Variants in FTO observed in about 807,000 individuals in gnomAD.
The protein encoded by FTO is alpha-ketoglutarate-dependent dioxygenase FTO.
FTO carries 47 observed loss-of-function variants against 63.9 expected under a neutral mutation model. The ratio of observed to expected loss-of-function variants is 0.74; its 90% CI spans 0.58 to 0.94. The LOEUF is 0.94. Among genes scored for constraint, FTO ranks in the 40% least tolerant of loss-of-function variants. FTO has a pLI of 0.00. For synonymous variants in FTO, 207 were observed against 224.4 expected (o/e 0.92, Z 0.69); for missense variants, 562 against 618.1 (o/e 0.91, Z 0.96).
At chr16:53,925,355 A>ATTTTTCCC (rs1567442980) in intron 7 of FTO, among the ~76,000 whole-genome samples, 78 of 152,290 alleles carry the variant, frequency 5.1e-4, no homozygotes, top group African/African-American at 1.7e-3. Flanking sequence ...CCGTAATGAC[A>ATTTTTCCC]GTATTACTTC....
chr16:53,960,492 A>G (rs1331057279), intron 8 of FTO, among the ~76,000 whole-genome samples: 1 of 152,188 alleles, frequency 6.6e-6, no homozygotes, highest in African/African-American at 2.4e-5. Context: ...CTTTCATTGT[A>G]TTGTGCTTAC....
At chr16:54,069,152 C>G (rs1041801299) in intron 8 of FTO, among the ~76,000 whole-genome samples, 3 of 152,060 alleles carry the variant, frequency 2.0e-5, no homozygotes, top group Admixed American at 6.6e-5. Context: ...TCCATGGGTC[C>G]CTGAGCTGGT....
intron 8 of FTO, among the ~76,000 whole-genome samples, chr16:53,935,354 G>A (rs559887292): frequency 1.9e-4 from 29 of 152,250 alleles, no homozygotes; most frequent in Non-Finnish European, 7.4e-5. Context: ...TCTGAACAAG[G>A]CTGAAGATGA....
intron 8 of FTO, among the ~76,000 whole-genome samples, chr16:53,985,437 C>G (rs1413484622): frequency 6.6e-6 from 1 of 152,086 alleles, no homozygotes; most frequent in Non-Finnish European, 1.5e-5. Context: ...CAGGGAATTG[C>G]CACAGTTTTG....
At chr16:54,092,333 A>G (rs182741112) in intron 8 of FTO, among the ~76,000 whole-genome samples, 1 of 152,282 alleles carries the variant, frequency 6.6e-6, no homozygotes, top group East Asian at 1.9e-4. Flanking sequence ...AGGCAGGCCC[A>G]TAGTGAACTA....
At chr16:54,104,481 T>A (rs2086705095) in intron 8 of FTO, among the ~76,000 whole-genome samples, 1 of 151,880 alleles carries the variant, frequency 6.6e-6, no homozygotes, top group African/African-American at 2.4e-5. Flanking sequence ...CCTGGATAAT[T>A]TTTATATTTT....
intron 1 of FTO, among the ~76,000 whole-genome samples, chr16:53,705,137 C>T (rs1038250950): frequency 6.6e-6 from 1 of 152,066 alleles, no homozygotes; most frequent in African/African-American, 2.4e-5. Flanking sequence ...ACTCTTCTTC[C>T]ACCTTCTCTC....
chr16:53,744,230 ATTC>A (rs1260398994), intron 1 of FTO, among the ~76,000 whole-genome samples: 1 of 152,150 alleles, frequency 6.6e-6, no homozygotes, highest in Admixed American at 6.6e-5. Context: ...AGAATGGAAC[ATTC>A]TTCTTCTTCA....
intron 7 of FTO, among the ~76,000 whole-genome samples, chr16:53,897,568 C>G (rs2081305697): frequency 6.6e-6 from 1 of 152,126 alleles, no homozygotes. Context: ...TGTTCTTTAA[C>G]AGATGTTGGG....
intron 4 of FTO, among the ~76,000 whole-genome samples, chr16:53,854,929 C>A (rs888441503): frequency 5.3e-5 from 8 of 151,972 alleles, no homozygotes; most frequent in African/African-American, 1.9e-4. Context: ...GGATGTATTT[C>A]TATTCATTTG....
chr16:53,991,937 G>A (rs1261162439), intron 8 of FTO: 3 of 152,148 alleles, frequency 2.0e-5, no homozygotes, highest in Non-Finnish European at 4.4e-5. Context: ...GGAACTGTAG[G>A]ATGGGGAAGA....
At chr16:54,058,348 C>T (rs2085487298) in intron 8 of FTO, among the ~76,000 whole-genome samples, 1 of 152,108 alleles carries the variant, frequency 6.6e-6, no homozygotes, top group Admixed American at 6.5e-5. Flanking sequence ...GTCTCGAACT[C>T]CTGACTTCAG....
At chr16:53,760,983 C>T (rs970153961) in intron 1 of FTO, among the ~76,000 whole-genome samples, 2 of 142,340 alleles carry the variant, frequency 1.4e-5, no homozygotes, top group South Asian at 2.2e-4. Context: ...TTATTGTTGT[C>T]TCCTTTTCTT....
chr16:53,974,988 C>T (rs2083403303), intron 8 of FTO, among the ~76,000 whole-genome samples: 1 of 152,062 alleles, frequency 6.6e-6, no homozygotes, highest in Admixed American at 6.6e-5. Context: ...AATCTCTACT[C>T]TCCTTGAGTT....
intron 1 of FTO, among the ~76,000 whole-genome samples, chr16:53,726,290 A>G (rs1007611860): frequency 1.6e-4 from 24 of 152,214 alleles, no homozygotes; most frequent in Non-Finnish European, 5.9e-5. Flanking sequence ...TCATAATAGT[A>G]TGGTTATATT....
At chr16:53,830,406 C>A (rs2079113151) in intron 3 of FTO, among the ~76,000 whole-genome samples, 1 of 152,224 alleles carries the variant, frequency 6.6e-6, no homozygotes, top group African/African-American at 2.4e-5. Context: ...TATGGTCCAG[C>A]ACCTTGTTCT....
At chr16:53,951,782 ATAT>A (rs1319862470) in intron 8 of FTO, among the ~76,000 whole-genome samples, 3 of 152,206 alleles carry the variant, frequency 2.0e-5, no homozygotes, top group Admixed American at 1.3e-4. Flanking sequence ...TTTTCAACTA[ATAT>A]TATTGAGGAC....
At chr16:54,071,059 G>C (rs191917822) in intron 8 of FTO, 3 of 152,234 alleles carry the variant, frequency 2.0e-5, no homozygotes, top group Non-Finnish European at 4.4e-5. Context: ...GTCACCCCAA[G>C]TTATGCATTT....
rs2080608488 is a variant in FTO, at chr16:53,875,064, C to T, written c.975+1199C>T. Among the ~76,000 whole-genome samples, 4 of 126,752 alleles carry T rather than the reference C, an allele frequency of 3.2e-5. No homozygotes were observed. The South Asian group carries it at 6.8e-4, about 21-fold the overall frequency. The allele number at this position is 126,752 out of a possible 152,430, so 83.2% of individuals were successfully genotyped here. A position where few individuals can be genotyped will look rare whatever the true frequency, so the allele number is the denominator to read the frequency against. On this transcript the variant is annotated intron_variant, in intron 5 of 8. Transcript: ENST00000471389. ...AGCGAGGGAGGAAGGTAGGTAAGGA[C>T]GAACAGAGGAAGAAAAGAAGGGAGG... is the stretch of plus-strand genomic sequence containing the variant.
Sources: gnomAD v4.1 joint callset for allele counts (sites outside exome capture counted in the v4.1 genomes callset) on GRCh38, gnomAD v4.1.1 for gene constraint, MANE v1.5 for transcripts, NCBI Gene and HGNC (gene_info 2026-07-23, HGNC 2026-07-21) for gene names.